WDR49: variants seen among roughly 807,000 people sequenced by gnomAD.
The protein encoded by WDR49 is WD repeat domain 49.
WDR49 carries 107 observed loss-of-function variants against 119.5 expected under a neutral mutation model. That is an observed-to-expected ratio of 0.90 (90% CI 0.77 to 1.05). The LOEUF is 1.05. WDR49 is among the 50% of genes least tolerant of loss of function. The pLI, the probability that WDR49 is intolerant of heterozygous loss-of-function variation, is 0.00. For synonymous variants in WDR49, 425 were observed against 418.8 expected, an observed-to-expected ratio of 1.01 and a Z score of -0.18; for missense variants, 1,240 against 1,220.5, an observed-to-expected ratio of 1.02 and a Z score of -0.24.
intron 3 of WDR49, among the ~76,000 whole-genome samples, chr3:167,625,061 A>G (rs1050354298): frequency 1.3e-5 from 2 of 152,026 alleles, no homozygotes; most frequent in African/African-American, 4.8e-5. Context: ...TTTTGAGAGG[A>G]TGAATAGATT....
At chr3:167,608,580 T>C (rs1716175703) in intron 5 of WDR49, among the ~76,000 whole-genome samples, 1 of 152,204 alleles carries the variant, frequency 6.6e-6, no homozygotes, top group Non-Finnish European at 1.5e-5. Context: ...AACTGTAGAA[T>C]GCCAGAGTTC....
At chr3:167,502,259 C>G (rs1751600209) in intron 17 of WDR49, among the ~76,000 whole-genome samples, 1 of 152,180 alleles carries the variant, frequency 6.6e-6, no homozygotes, top group Non-Finnish European at 1.5e-5. Flanking sequence ...TGGTGCCATA[C>G]CTGAACAGCC....
At chr3:167,641,839 T>C (rs561674534) in intron 2 of WDR49, among the ~76,000 whole-genome samples, 62 of 151,894 alleles carry the variant, frequency 4.1e-4, no homozygotes, top group Middle Eastern at 6.8e-3. Flanking sequence ...GAAAATACTC[T>C]CTATCAACTT....
Position 167,575,940 on chromosome 3 carries a change from A to G in WDR49, c.1487T>C (p.Leu496Pro). The change falls in exon 8 of 19, where the codon CTT becomes CCT. Residue 496 changes from leucine (L) to proline (P), a missense_variant. Coordinates refer to ENST00000682715, the MANE Select transcript of WDR49 (RefSeq NM_001366157.1). Reference protein sequence around the residue: ...KSHEKAVTCVLYNSILKQVIS... With the variant: ...KSHEKAVTCVPYNSILKQVIS... ...TACCTGCTTCAAGATAGAATTGTAA[A>G]GAACACAAGTGACTGCTTTCTCATG... 1.2e-6 allele frequency: 2 copies of G among 1,614,182 alleles called. No homozygotes were observed. Among genetic ancestry groups the G allele is most frequent in the Middle Eastern group, 1.6e-4 (1 of 6,062 alleles).
chr3:167,588,000 T>G (rs1286746589), intron 7 of WDR49, among the ~76,000 whole-genome samples: 2 of 152,154 alleles, frequency 1.3e-5, no homozygotes, highest in Admixed American at 1.3e-4. Flanking sequence ...TTAAACTATT[T>G]TTTACTATAG....
At chr3:167,561,506 A>G (rs577579360) in intron 8 of WDR49, among the ~76,000 whole-genome samples, 3 of 152,196 alleles carry the variant, frequency 2.0e-5, no homozygotes, top group Non-Finnish European at 4.4e-5. Context: ...GAAACAGATA[A>G]ATGCTAAAAA....
chr3:167,611,131 C>T (rs182604264), intron 5 of WDR49, among the ~76,000 whole-genome samples: 162 of 152,102 alleles, frequency 1.1e-3, no homozygotes, highest in African/African-American at 3.5e-3. Flanking sequence ...CTAATAACTA[C>T]GAATTTTCAA....
chr3:167,598,582 G>A (rs1039906579), intron 7 of WDR49, among the ~76,000 whole-genome samples: 1 of 152,154 alleles, frequency 6.6e-6, no homozygotes, highest in African/African-American at 2.4e-5. Flanking sequence ...TGAAAGATGT[G>A]CCTTGCTTCC....
intron 15 of WDR49, among the ~76,000 whole-genome samples, chr3:167,523,331 G>T (rs1484635071): frequency 1.3e-5 from 2 of 150,028 alleles, no homozygotes; most frequent in Non-Finnish European, 3.0e-5. Flanking sequence ...GAATTAAAGA[G>T]AACCCATTTT....
In WDR49 at chr3:167,561,419, T is replaced by A. The variant is rs570438452; in HGVS notation, c.1510-1191A>T. On this transcript the variant is annotated intron_variant, in intron 8 of 18. Transcript: ENST00000682715. ...TGATTCAATTGGCCAAGGAAATGGA[T>A]CTTTAAAGAGCATCACAGGTGATTT... Among the ~76,000 whole-genome samples, 10 of 151,906 alleles carry A rather than the reference T, an allele frequency of 6.6e-5. 1 individual carries two copies. The highest frequency in any genetic ancestry group is 3.4e-3 in the Middle Eastern group (1 of 294).
intron 8 of WDR49, chr3:167,566,792 T>G: frequency 1.6e-6 from 1 of 609,928 alleles, no homozygotes; most frequent in South Asian, 2.1e-5. Flanking sequence ...AAAGAAAATG[T>G]TATTAAGAAA....
chr3:167,567,521 G>A (rs1189398918), intron 8 of WDR49, among the ~76,000 whole-genome samples: 2 of 152,150 alleles, frequency 1.3e-5, no homozygotes, highest in Non-Finnish European at 2.9e-5. Flanking sequence ...TCAGGTTTGA[G>A]GGCTCTCATG....
intron 8 of WDR49, among the ~76,000 whole-genome samples, chr3:167,563,437 C>G (rs1487134677): frequency 2.7e-5 from 4 of 149,948 alleles, no homozygotes; most frequent in Non-Finnish European, 5.9e-5. Flanking sequence ...GAATTTCTCA[C>G]AGAAGTGCTT....
intron 7 of WDR49, among the ~76,000 whole-genome samples, chr3:167,597,765 A>T (rs939394898): frequency 3.9e-5 from 6 of 152,218 alleles, no homozygotes; most frequent in African/African-American, 1.4e-4. Context: ...TGGGTTTTGG[A>T]CTTGCATGAG....
intron 5 of WDR49, among the ~76,000 whole-genome samples, chr3:167,610,666 G>A (rs1577275521): frequency 6.6e-6 from 1 of 152,202 alleles, no homozygotes; most frequent in Non-Finnish European, 1.5e-5. Context: ...CTGGCTGATT[G>A]CAGAGCCCCA....
At chr3:167,550,477 A>G (rs1008681647) in intron 10 of WDR49, among the ~76,000 whole-genome samples, 1 of 152,096 alleles carries the variant, frequency 6.6e-6, no homozygotes, top group African/African-American at 2.4e-5. Context: ...GAGTTCACTC[A>G]AAAGATTCTC....
intron 10 of WDR49, among the ~76,000 whole-genome samples, chr3:167,543,271 T>C (rs369337003): frequency 9.2e-5 from 14 of 152,120 alleles, no homozygotes; most frequent in African/African-American, 3.4e-4. Flanking sequence ...AAAGAGGATA[T>C]CTTCCCTAAA....
chr3:167,598,734 T>C (rs1560305864), intron 7 of WDR49, among the ~76,000 whole-genome samples: 1 of 152,220 alleles, frequency 6.6e-6, no homozygotes, highest in African/African-American at 2.4e-5. Context: ...AATACATTTT[T>C]TGAGAGGCTT....
intron 3 of WDR49, among the ~76,000 whole-genome samples, chr3:167,623,507 C>T (rs1190848682): frequency 6.6e-6 from 1 of 151,930 alleles, no homozygotes; most frequent in Non-Finnish European, 1.5e-5. Flanking sequence ...GATAAAAACA[C>T]TCAACAAACC....
Sources: allele counts gnomAD v4.1 joint callset (sites outside exome capture counted in the v4.1 genomes callset), GRCh38; gene constraint gnomAD v4.1.1; transcripts MANE v1.5; gene names NCBI Gene and HGNC (gene_info 2026-07-23, HGNC 2026-07-21).